Variants in CBFB observed in about 807,000 individuals in gnomAD.
CBFB encodes core-binding factor subunit beta.
A neutral mutation model predicts 30.4 loss-of-function variants in CBFB; 9 were observed. That is an observed-to-expected ratio of 0.30 (90% confidence interval 0.18 to 0.52). CBFB has a LOEUF of 0.52. Ranked by LOEUF, CBFB falls within the 20% of genes least tolerant of loss-of-function variation. The pLI, the probability that CBFB is intolerant of heterozygous loss-of-function variation, is 0.97. For synonymous variants in CBFB, 94 were observed against 84.0 expected (o/e 1.12, Z -0.65); for missense variants, 170 against 244.0 (o/e 0.70, Z 2.02).
At chr16:67,044,347 C>T (rs897753365) in intron 3 of CBFB, among the ~76,000 whole-genome samples, 6 of 152,158 alleles carry the variant, frequency 3.9e-5, no homozygotes, top group Admixed American at 2.6e-4. Flanking sequence ...TATGCTATCT[C>T]GTTTTTACCA....
chr16:67,081,430 G>T (rs1961550897), intron 4 of CBFB, among the ~76,000 whole-genome samples: 1 of 151,946 alleles, frequency 6.6e-6, no homozygotes, highest in Non-Finnish European at 1.5e-5. Context: ...GTCCAACAAT[G>T]ATAGACTGGA....
chr16:67,050,744 G>C lies in CBFB; in HGVS notation c.282+13989G>C, dbSNP rs144422583. 4.6e-5 allele frequency among the ~76,000 whole-genome samples: 7 copies of C among 152,188 alleles called. No individual in the cohort carries two copies. In the South Asian group the frequency reaches 1.5e-3, roughly 32 times the overall value. On this transcript the variant is annotated intron_variant, in intron 3 of 5. Coordinates refer to ENST00000412916, the MANE Select transcript of CBFB (RefSeq NM_022845.3). ...GGAGTTTGAGCCTACAGTGAACTAT[G>C]ATTGAGCCATGACACTCTAGCCTGG...
chr16:67,044,997 T>C (rs1225427506), intron 3 of CBFB, among the ~76,000 whole-genome samples: 1 of 152,200 alleles, frequency 6.6e-6, no homozygotes, highest in Non-Finnish European at 1.5e-5. Flanking sequence ...ATTGACAGTT[T>C]AGTGTATTGA....
At chr16:67,051,068 T>A (rs1966730251) in intron 3 of CBFB, among the ~76,000 whole-genome samples, 1 of 152,206 alleles carries the variant, frequency 6.6e-6, no homozygotes, top group Non-Finnish European at 1.5e-5. Flanking sequence ...TGTGAGTAAC[T>A]GAAATCATGG....
At chr16:67,053,008 CAAAAA>C (rs574234817) in intron 3 of CBFB, among the ~76,000 whole-genome samples, 1 of 121,924 alleles carries the variant, frequency 8.2e-6, no homozygotes, top group Non-Finnish European at 1.7e-5. Context: ...GATGCTATCT[CAAAAA>C]AAAAAAAAAG....
intron 5 of CBFB, among the ~76,000 whole-genome samples, chr16:67,082,578 C>G (rs2145772415): frequency 6.6e-6 from 1 of 152,210 alleles, no homozygotes; most frequent in South Asian, 2.1e-4. Context: ...AATTCATTTA[C>G]TCAAAATCTC....
intron 4 of CBFB, among the ~76,000 whole-genome samples, chr16:67,072,266 G>A (rs1025084913): frequency 2.6e-5 from 4 of 151,864 alleles, no homozygotes; most frequent in African/African-American, 4.8e-5. Context: ...TTAAAAATAC[G>A]TTTTTAAATA....
Position 67,096,467 on chromosome 16 carries a change from A to G in CBFB, c.496-2243A>G, listed in dbSNP as rs529743666. 2.8e-4 allele frequency among the ~76,000 whole-genome samples: 40 copies of G among 140,704 alleles called. 1 individual carries two copies. Among genetic ancestry groups the G allele is most frequent in the Middle Eastern group, 7.1e-3 (2 of 282 alleles). 92.3% of individuals were successfully genotyped at this position (140,704 alleles called of 152,430 possible). ...AGAACTTGTGAAGGAGAAAATATAC[A>G]TATATATATATGTATATATATAGTC... is the stretch of plus-strand genomic sequence containing the variant. On this transcript the variant is annotated intron_variant, in intron 5 of 5. Transcript: ENST00000412916.
chr16:67,055,049 G>T (rs1036950612), intron 3 of CBFB, among the ~76,000 whole-genome samples: 5 of 151,540 alleles, frequency 3.3e-5, no homozygotes, highest in African/African-American at 1.2e-4. Context: ...TTTTATCTGA[G>T]AATCTAGCTG....
intron 5 of CBFB, among the ~76,000 whole-genome samples, chr16:67,086,122 C>G (rs562677655): frequency 3.3e-5 from 5 of 152,300 alleles, no homozygotes; most frequent in African/African-American, 1.2e-4. Context: ...TACTTGTTTT[C>G]TTTGATGCTG....
Position 67,098,934 on chromosome 16 carries a change from G to A in CBFB, c.*156G>A. On this transcript the variant is annotated 3_prime_UTR_variant, in exon 6 of 6. Transcript: ENST00000412916. ...GTAATAGACATCACAAACTGCCATG[G>A]TTTTGCACTATGATTATAATACCTG... is the stretch of plus-strand genomic sequence containing the variant. 1.9e-6 allele frequency: 1 copy of A among 531,602 alleles called. No homozygotes were observed. Among genetic ancestry groups the A allele is most frequent in the South Asian group, 2.9e-5 (1 of 34,816 alleles). 32.9% of individuals were successfully genotyped at this position (531,602 alleles called of 1,614,324 possible). A position where few individuals can be genotyped will look rare whatever the true frequency, so the allele number is the denominator to read the frequency against.
intron 3 of CBFB, among the ~76,000 whole-genome samples, chr16:67,058,308 T>C (rs1960789544): frequency 6.6e-6 from 1 of 152,154 alleles, no homozygotes; most frequent in Admixed American, 6.6e-5. Flanking sequence ...GTCCAACTAA[T>C]TTTTGTATTT....
chr16:67,072,463 C>T (rs1282919626), intron 4 of CBFB, among the ~76,000 whole-genome samples: 2 of 149,844 alleles, frequency 1.3e-5, no homozygotes, highest in Non-Finnish European at 1.5e-5. Flanking sequence ...TCTTGTTTTT[C>T]TTTTTTTTTC....
intron 5 of CBFB, among the ~76,000 whole-genome samples, chr16:67,084,235 A>C (rs930650641): frequency 2.6e-5 from 4 of 151,682 alleles, no homozygotes; most frequent in Admixed American, 2.6e-4. Flanking sequence ...ATGTGTTTGA[A>C]AAAGAGTGTT....
At chr16:67,081,050 A>G (rs1961540321) in intron 4 of CBFB, among the ~76,000 whole-genome samples, 1 of 151,950 alleles carries the variant, frequency 6.6e-6, no homozygotes, top group African/African-American at 2.4e-5. Flanking sequence ...ATATGTATAC[A>G]TGTGACATGC....
chr16:67,029,686 C>T (rs763707912), intron 1 of CBFB, 41 bp from the exon 2 acceptor site: 5 of 1,530,228 alleles, frequency 3.3e-6, no homozygotes, highest in Non-Finnish European at 4.5e-6. Context: ...CGGGCGGCGC[C>T]GCGGATTTGG....
chr16:67,078,899 C>T (rs7203836), intron 4 of CBFB, among the ~76,000 whole-genome samples: 37,170 of 151,996 alleles, frequency 0.24, 9,629 homozygotes, highest in African/African-American at 0.66. Flanking sequence ...ACTCAGGTGA[C>T]CCACCGGCCT....
At chr16:67,096,911 C>A (rs984986650) in intron 5 of CBFB, among the ~76,000 whole-genome samples, 13 of 144,316 alleles carry the variant, frequency 9.0e-5, no homozygotes, top group African/African-American at 2.6e-4. Flanking sequence ...CACTGCACTC[C>A]AGCGACTCCG....
chr16:67,096,831 G>T (rs1469428531), intron 5 of CBFB, among the ~76,000 whole-genome samples: 1 of 151,646 alleles, frequency 6.6e-6, no homozygotes, highest in Non-Finnish European at 1.5e-5. Flanking sequence ...AAAATTAGCT[G>T]GGTGTGGTGG....
Sources: gnomAD v4.1 joint callset for allele counts (sites outside exome capture counted in the v4.1 genomes callset) on GRCh38, gnomAD v4.1.1 for gene constraint, MANE v1.5 for transcripts, NCBI Gene and HGNC (gene_info 2026-07-23, HGNC 2026-07-21) for gene names.